The following CSMD3 variants were observed in gnomAD, a reference collection of about 807,000 sequenced individuals.
CSMD3 encodes CUB and Sushi multiple domains 3, also known as CUB and sushi domain-containing protein 3.
In CSMD3, 177 loss-of-function variants were observed where a neutral mutation model predicts 435.2. The ratio of observed to expected loss-of-function variants is 0.41; its 90% CI spans 0.36 to 0.46. CSMD3 has a LOEUF of 0.46. Among genes scored for constraint, CSMD3 ranks in the 20% least tolerant of loss-of-function variants. The probability of loss-of-function intolerance (pLI) is 0.34; values close to 1 mark genes in which losing one functional copy is unlikely to be tolerated. For missense variants in CSMD3, 4,265 were observed against 4,504.6 expected, an observed-to-expected ratio of 0.95 and a Z score of 1.52; for synonymous variants, 1,656 against 1,520.5, an observed-to-expected ratio of 1.09 and a Z score of -2.07.
intron 66 of CSMD3, among the ~76,000 whole-genome samples, chr8:112,240,964 T>C (rs1286283969): frequency 6.6e-6 from 1 of 152,122 alleles, no homozygotes; most frequent in Non-Finnish European, 1.5e-5. Context: ...TCCCCAGCCA[T>C]GTGGAACTGT....
intron 27 of CSMD3, among the ~76,000 whole-genome samples, chr8:112,521,658 C>G (rs1414087835): frequency 6.6e-6 from 1 of 151,818 alleles, no homozygotes; most frequent in African/African-American, 2.4e-5. Context: ...TAGCTTGATG[C>G]CCCTGAAATT....
chr8:112,462,701 A>G (rs748532450), intron 32 of CSMD3, among the ~76,000 whole-genome samples: 1 of 152,192 alleles, frequency 6.6e-6, no homozygotes, highest in Non-Finnish European at 1.5e-5. Context: ...CACACGTATA[A>G]ATTACAGCTT....
At chr8:112,859,402 A>C in intron 10 of CSMD3, 136 bp from the exon 11 acceptor site, 1 of 750,442 alleles carries the variant, frequency 1.3e-6, no homozygotes, top group Non-Finnish European at 2.3e-6. Context: ...ATGGTATTCT[A>C]ATGTCACTTA....
At chr8:113,418,724 G>A (rs2094594538) in intron 1 of CSMD3, among the ~76,000 whole-genome samples, 1 of 152,158 alleles carries the variant, frequency 6.6e-6, no homozygotes, top group Non-Finnish European at 1.5e-5. Context: ...TTATATATCG[G>A]AAGCAGTTTC....
intron 30 of CSMD3, among the ~76,000 whole-genome samples, chr8:112,501,330 G>A (rs1450613100): frequency 6.6e-6 from 1 of 151,278 alleles, no homozygotes; most frequent in Non-Finnish European, 1.5e-5. Flanking sequence ...GGAGGCGGAG[G>A]TTGCAGTGAG....
At chr8:112,709,296 T>C (rs2076562046) in intron 13 of CSMD3, among the ~76,000 whole-genome samples, 1 of 152,134 alleles carries the variant, frequency 6.6e-6, no homozygotes, top group Non-Finnish European at 1.5e-5. Flanking sequence ...CATTAACCAG[T>C]ACGACTTTTA....
intron 31 of CSMD3, among the ~76,000 whole-genome samples, chr8:112,482,823 T>A (rs1320711923): frequency 6.6e-6 from 1 of 152,200 alleles, no homozygotes; most frequent in African/African-American, 2.4e-5. Flanking sequence ...CTTGGGAATG[T>A]TTTCTCTAAT....
intron 2 of CSMD3, among the ~76,000 whole-genome samples, chr8:113,301,328 A>T (rs547448003): frequency 4.4e-4 from 67 of 152,154 alleles, no homozygotes; most frequent in Non-Finnish European, 8.5e-4. Context: ...GTAATAGAGA[A>T]TATAGAAAAT....
intron 32 of CSMD3, among the ~76,000 whole-genome samples, chr8:112,452,485 G>T (rs1586371933): frequency 6.6e-6 from 1 of 152,138 alleles, no homozygotes; most frequent in South Asian, 2.1e-4. Flanking sequence ...GGCTAGTAAA[G>T]TTCTGTGATT....
chr8:113,297,338 A>G (rs2093730181), intron 2 of CSMD3, among the ~76,000 whole-genome samples: 1 of 152,088 alleles, frequency 6.6e-6, no homozygotes. Flanking sequence ...TGTCAGTATT[A>G]TGAATGAAAA....
intron 22 of CSMD3, among the ~76,000 whole-genome samples, chr8:112,628,523 G>A (rs1834679563): frequency 2.0e-5 from 3 of 152,056 alleles, no homozygotes; most frequent in Non-Finnish European, 4.4e-5. Context: ...GGCAATTATA[G>A]TCCTTTATTG....
In CSMD3 at chr8:112,276,337, C is replaced by T. The variant is rs560941847; in HGVS notation, c.9508+4837G>A. 1.5e-3 allele frequency among the ~76,000 whole-genome samples: 233 copies of T among 152,286 alleles called. 1 individual carries two copies. The highest frequency in any genetic ancestry group is 1.7e-3 in the Non-Finnish European group (114 of 68,022). ...TGGCATTGAGTAACTGTGACTTTTCCAGGCACATGTTACAAGTTGTCGATG... is the reference window on the plus strand; with the variant it reads ...TGGCATTGAGTAACTGTGACTTTTCTAGGCACATGTTACAAGTTGTCGATG... On this transcript the variant is annotated intron_variant, in intron 59 of 70. Transcript: ENST00000297405.
intron 32 of CSMD3, among the ~76,000 whole-genome samples, chr8:112,465,578 C>G (rs1223383949): frequency 6.6e-6 from 1 of 152,050 alleles, no homozygotes; most frequent in Admixed American, 6.6e-5. Flanking sequence ...AATCATATTT[C>G]CCTTCTCTAA....
intron 5 of CSMD3, among the ~76,000 whole-genome samples, chr8:113,082,068 G>A (rs1450019012): frequency 6.6e-6 from 1 of 152,042 alleles, no homozygotes; most frequent in African/African-American, 2.4e-5. Context: ...CCATCCCAAG[G>A]ACTAGCCTGC....
At chr8:112,291,101 T>C (rs1819721741) in intron 56 of CSMD3, among the ~76,000 whole-genome samples, 1 of 152,016 alleles carries the variant, frequency 6.6e-6, no homozygotes, top group African/African-American at 2.4e-5. Context: ...CAATAAGTTT[T>C]AAGTCACACC....
At chr8:112,429,380 T>G (rs1813421431) in intron 32 of CSMD3, among the ~76,000 whole-genome samples, 1 of 152,152 alleles carries the variant, frequency 6.6e-6, no homozygotes, top group Middle Eastern at 3.4e-3. Flanking sequence ...TGATGTCTGA[T>G]GGAGAAACTC....
At chr8:113,098,717 A>T (rs779380622) in intron 5 of CSMD3, 39 bp downstream of exon 5, 5 of 1,378,786 alleles carry the variant, frequency 3.6e-6, no homozygotes, top group South Asian at 1.2e-5. Context: ...GTTTGCTTCA[A>T]CAACATCAAT....
At chr8:112,509,273 G>A (rs1822849787) in intron 28 of CSMD3, among the ~76,000 whole-genome samples, 1 of 151,976 alleles carries the variant, frequency 6.6e-6, no homozygotes. Context: ...TATTTTTGGA[G>A]AGACAGAGTT....
chr8:112,463,722 T>C (rs1486845455), intron 32 of CSMD3, among the ~76,000 whole-genome samples: 1 of 152,178 alleles, frequency 6.6e-6, no homozygotes, highest in Non-Finnish European at 1.5e-5. Context: ...GCAAAAACTG[T>C]GACTAATGTT....
Sources: allele counts gnomAD v4.1 joint callset (sites outside exome capture counted in the v4.1 genomes callset), GRCh38; gene constraint gnomAD v4.1.1; transcripts MANE v1.5; gene names NCBI Gene and HGNC (gene_info 2026-07-23, HGNC 2026-07-21).